SPATA17: variants seen among roughly 807,000 people sequenced by gnomAD.
SPATA17 encodes the protein spermatogenesis-associated protein 17.
A neutral mutation model predicts 62.2 loss-of-function variants in SPATA17; 53 were observed. The ratio of observed to expected loss-of-function variants is 0.85; its 90% CI spans 0.68 to 1.07. The LOEUF is 1.07. Ranked by LOEUF, SPATA17 falls within the 50% of genes least tolerant of loss-of-function variation. The pLI is 0.00. For synonymous variants in SPATA17, 146 were observed against 146.8 expected, an observed-to-expected ratio of 0.99 and a Z score of 0.04; for missense variants, 466 against 425.5, an observed-to-expected ratio of 1.10 and a Z score of -0.84.
At chr1:217,687,697 A>T (rs753352323) in intron 5 of SPATA17, among the ~76,000 whole-genome samples, 1 of 152,144 alleles carries the variant, frequency 6.6e-6, no homozygotes, top group Non-Finnish European at 1.5e-5. Context: ...ACACTCTATG[A>T]TGTATGCACG....
At chr1:217,842,215 A>G (rs1675423792) in intron 9 of SPATA17, among the ~76,000 whole-genome samples, 2 of 151,944 alleles carry the variant, frequency 1.3e-5, no homozygotes, top group East Asian at 3.9e-4. Flanking sequence ...CAATTTGCTA[A>G]TACTTTATTG....
chr1:217,682,205 T>C (rs1321444139), intron 4 of SPATA17, among the ~76,000 whole-genome samples: 1 of 152,034 alleles, frequency 6.6e-6, no homozygotes, highest in Non-Finnish European at 1.5e-5. Flanking sequence ...TTTGTTTGAG[T>C]TTTTCAGATA....
At chr1:217,696,360 G>C (rs1558569129) in intron 5 of SPATA17, among the ~76,000 whole-genome samples, 2 of 152,126 alleles carry the variant, frequency 1.3e-5, no homozygotes, top group African/African-American at 4.8e-5. Flanking sequence ...CTCGCGCACA[G>C]TGCGCGCACC....
intron 5 of SPATA17, among the ~76,000 whole-genome samples, chr1:217,687,212 T>C (rs1671236816): frequency 6.6e-6 from 1 of 152,188 alleles, no homozygotes; most frequent in Admixed American, 6.5e-5. Flanking sequence ...ATGTATAATA[T>C]TGTCCACATT....
intron 3 of SPATA17, among the ~76,000 whole-genome samples, chr1:217,668,622 T>G (rs1670761043): frequency 6.6e-6 from 1 of 152,176 alleles, no homozygotes; most frequent in Non-Finnish European, 1.5e-5. Context: ...AATTTTTCAT[T>G]AAACCAGACG....
chr1:217,656,036 C>A (rs548243536), intron 3 of SPATA17, among the ~76,000 whole-genome samples: 40 of 152,006 alleles, frequency 2.6e-4, no homozygotes, highest in Admixed American at 1.8e-3. Flanking sequence ...TCCCCCACCC[C>A]CCACGCCCGG....
chr1:217,837,491 A>C (rs1407954595), intron 9 of SPATA17, among the ~76,000 whole-genome samples: 1 of 152,100 alleles, frequency 6.6e-6, no homozygotes, highest in African/African-American at 2.4e-5. Context: ...AAATAGTGAA[A>C]GCATTTCCAT....
At chr1:217,826,326 T>G (rs2102999490) in intron 9 of SPATA17, among the ~76,000 whole-genome samples, 1 of 152,268 alleles carries the variant, frequency 6.6e-6, no homozygotes, top group South Asian at 2.1e-4. Flanking sequence ...ACCATTATTA[T>G]CATCTCTTTG....
At chr1:217,651,261 T>C in intron 3 of SPATA17, 83 bp downstream of exon 3, 1 of 1,152,694 alleles carries the variant, frequency 8.7e-7, no homozygotes, top group South Asian at 1.7e-5. Flanking sequence ...TTCCATATAG[T>C]TTGGAAATTA....
chr1:217,707,282 C>A (rs1482002349), intron 5 of SPATA17, among the ~76,000 whole-genome samples: 1 of 152,042 alleles, frequency 6.6e-6, no homozygotes, highest in African/African-American at 2.4e-5. Context: ...ATTTTGTACC[C>A]TGAAACTTTG....
At chr1:217,760,091 A>G (rs996406351) in intron 6 of SPATA17, among the ~76,000 whole-genome samples, 4 of 152,208 alleles carry the variant, frequency 2.6e-5, no homozygotes, top group Admixed American at 2.0e-4. Flanking sequence ...TGCTCATTTT[A>G]CAGATTGGTT....
chr1:217,732,662 G>A (rs1672426545), intron 5 of SPATA17, among the ~76,000 whole-genome samples: 2 of 152,074 alleles, frequency 1.3e-5, no homozygotes, highest in Non-Finnish European at 2.9e-5. Context: ...GTGTCTCAAA[G>A]TCACAATCTG....
chr1:217,769,592 G>A (rs4846435), intron 6 of SPATA17, among the ~76,000 whole-genome samples: 42,209 of 151,996 alleles, frequency 0.28, 6,283 homozygotes, highest in East Asian at 0.52. Flanking sequence ...TCTGGGATCC[G>A]CATTTAATGT....
At chr1:217,730,964 A>G (rs750611316) in intron 5 of SPATA17, among the ~76,000 whole-genome samples, 10 of 152,096 alleles carry the variant, frequency 6.6e-5, no homozygotes, top group Non-Finnish European at 1.3e-4. Flanking sequence ...TATTAGTGCT[A>G]AAAGTCATTT....
intron 8 of SPATA17, among the ~76,000 whole-genome samples, chr1:217,795,362 CTTTTTTTT>C (rs71560537): frequency 1.2e-4 from 8 of 69,548 alleles, no homozygotes; most frequent in Admixed American, 2.1e-4. Flanking sequence ...ACAAAAGTCT[CTTTTTTTT>C]TTTTTTTTTT....
At chr1:217,851,128 A>G (rs1417399169) in intron 9 of SPATA17, among the ~76,000 whole-genome samples, 4 of 152,136 alleles carry the variant, frequency 2.6e-5, no homozygotes, top group Admixed American at 2.6e-4. Context: ...TTCTGTTACT[A>G]GTGAATATTC....
chr1:217,698,031 C>T (rs986369263), intron 5 of SPATA17, among the ~76,000 whole-genome samples: 2 of 152,058 alleles, frequency 1.3e-5, no homozygotes, highest in African/African-American at 2.4e-5. Context: ...AGTGGTGGCT[C>T]ACGCCTGTAA....
intron 1 of SPATA17, among the ~76,000 whole-genome samples, chr1:217,644,064 G>C (rs543547318): frequency 4.6e-5 from 7 of 152,198 alleles, no homozygotes; most frequent in African/African-American, 1.7e-4. Context: ...AATATTATAG[G>C]TTCTAGTTCT....
At chr1:217,838,193 T>C (rs1417696192) in intron 9 of SPATA17, among the ~76,000 whole-genome samples, 1 of 152,132 alleles carries the variant, frequency 6.6e-6, no homozygotes, top group Non-Finnish European at 1.5e-5. Context: ...GCGGCCCACA[T>C]AGTATTTCTA....
Sources: gnomAD v4.1 joint callset for allele counts (sites outside exome capture counted in the v4.1 genomes callset) on GRCh38, gnomAD v4.1.1 for gene constraint, MANE v1.5 for transcripts, NCBI Gene and HGNC (gene_info 2026-07-23, HGNC 2026-07-21) for gene names.